The following MAD1L1 variants were observed in gnomAD, a reference collection of about 807,000 sequenced individuals.
MAD1L1 encodes the protein mitotic spindle assembly checkpoint protein MAD1.
Under a neutral mutation model 96.9 loss-of-function variants are expected in MAD1L1, and 95 were observed. The ratio of observed to expected loss-of-function variants is 0.98; its 90% CI spans 0.83 to 1.16. The LOEUF (loss-of-function observed/expected upper bound fraction) is 1.16, where lower values mean the gene tolerates loss of function less well. Ranked by LOEUF, MAD1L1 falls within the 50% of genes most tolerant of loss-of-function variation. MAD1L1 has a pLI of 0.00. For synonymous variants in MAD1L1, 473 were observed against 396.6 expected (o/e 1.19, Z -2.29); for missense variants, 1,007 against 954.4 (o/e 1.06, Z -0.73).
intron 16 of MAD1L1, among the ~76,000 whole-genome samples, chr7:1,953,564 T>G (rs997611616): frequency 9.2e-5 from 14 of 152,344 alleles, no homozygotes; most frequent in African/African-American, 3.4e-4. Flanking sequence ...ACACGCACAC[T>G]GAGGCATTTA....
rs936368188 is a variant in MAD1L1, at chr7:2,225,693, C to T, written c.151-143G>A. On this transcript the variant is annotated intron_variant, in intron 3 of 18. Transcript: ENST00000265854. ...GTCTTGATGTGGCCCAGCCACTGGG[C>T]TCCAGGCTGGGGAACAGGGGAGGGG... 9 of 888,464 alleles carry T rather than the reference C, an allele frequency of 1.0e-5. No homozygotes were observed. The African/African-American group carries it at 1.2e-4, about 12-fold the overall frequency. The allele number at this position is 888,464 out of a possible 1,614,324, so 55.0% of individuals were successfully genotyped here.
intron 11 of MAD1L1, among the ~76,000 whole-genome samples, chr7:2,136,219 G>A (rs1788743890): frequency 6.6e-6 from 1 of 152,224 alleles, no homozygotes; most frequent in Non-Finnish European, 1.5e-5. Flanking sequence ...TTCATGCCCT[G>A]CGGAAGCGAC....
chr7:2,190,105 G>A (rs560537535), intron 10 of MAD1L1, among the ~76,000 whole-genome samples: 1 of 152,152 alleles, frequency 6.6e-6, no homozygotes, highest in East Asian at 1.9e-4. Context: ...AAATAGCCAA[G>A]ACAATTCTTA....
rs76619261 is a variant in MAD1L1 at position 2,011,660 on chromosome 7, G to A, written c.1359+2842C>T. Among the ~76,000 whole-genome samples, 128 of 152,332 alleles carry A rather than the reference G, an allele frequency of 8.4e-4. 2 individuals carry two copies. In the East Asian group the frequency reaches 0.014, roughly 17 times the overall value. On this transcript the variant is annotated intron_variant, in intron 13 of 18. Coordinates refer to ENST00000265854, the MANE Select transcript of MAD1L1 (RefSeq NM_001013836.2). The stretch of plus-strand genomic sequence containing the variant: ...CTGACGCGGAGGTGCCCCCTCTGAT[G>A]AGGCAAGGCATCAGGTCACGCTGTC...
chr7:1,918,183 C>T (rs1363661771), intron 17 of MAD1L1, among the ~76,000 whole-genome samples: 4 of 152,260 alleles, frequency 2.6e-5, no homozygotes, highest in South Asian at 2.1e-4. Flanking sequence ...CTCTGTGTGA[C>T]CCTCAGGATG....
intron 15 of MAD1L1, among the ~76,000 whole-genome samples, chr7:1,959,470 G>C (rs1306306818): frequency 1.3e-5 from 2 of 152,144 alleles, no homozygotes; most frequent in Non-Finnish European, 2.9e-5. Flanking sequence ...ACAGACACGA[G>C]GCAGCGCAAG....
At chr7:1,986,182 A>G (rs1438714621) in intron 14 of MAD1L1, among the ~76,000 whole-genome samples, 1 of 152,188 alleles carries the variant, frequency 6.6e-6, no homozygotes, top group Non-Finnish European at 1.5e-5. Context: ...ATCAGCCCCC[A>G]GTAGCTCCCT....
intron 16 of MAD1L1, among the ~76,000 whole-genome samples, chr7:1,947,391 A>C (rs1323893641): frequency 6.6e-6 from 1 of 152,248 alleles, no homozygotes; most frequent in African/African-American, 2.4e-5. Context: ...AACACAGTTA[A>C]ATAACCACCA....
At chr7:1,874,473 A>C (rs751427265) in intron 18 of MAD1L1, 16 of 451,364 alleles carry the variant, frequency 3.5e-5, no homozygotes, top group South Asian at 2.4e-4. Context: ...GGAGGAGAGG[A>C]GGCGGAGGGC....
chr7:2,006,682 G>T (rs970358110), intron 13 of MAD1L1, among the ~76,000 whole-genome samples: 1 of 150,436 alleles, frequency 6.6e-6, no homozygotes, highest in East Asian at 2.0e-4. Flanking sequence ...GGAGAGACAG[G>T]ACATCACTAA....
chr7:2,136,218 T>C (rs1332536763), intron 11 of MAD1L1, among the ~76,000 whole-genome samples: 1 of 152,188 alleles, frequency 6.6e-6, no homozygotes, highest in Non-Finnish European at 1.5e-5. Flanking sequence ...CTTCATGCCC[T>C]GCGGAAGCGA....
In MAD1L1 at chr7:1,904,551, C is replaced by T. The variant is rs1261476154; in HGVS notation, c.1808-6161G>A. Among the ~76,000 whole-genome samples the T allele has an allele frequency of 8.8e-4, 107 of 121,770 alleles. 10 individuals are homozygous for T. The highest frequency in any genetic ancestry group is 7.8e-3 in the Admixed American group (101 of 12,948). 79.9% of individuals were successfully genotyped at this position (121,770 alleles called of 152,430 possible). On this transcript the variant is annotated intron_variant, in intron 17 of 18. Transcript: ENST00000265854. Reference sequence around the variant, plus strand: ...ATTGATCAAGCACTGTTCCAGGCAGCGAGGACGCAGTGGCCTACGGAAGAC... The same window carrying T: ...ATTGATCAAGCACTGTTCCAGGCAGTGAGGACGCAGTGGCCTACGGAAGAC...
chr7:2,176,290 G>A (rs1790943390), intron 10 of MAD1L1, among the ~76,000 whole-genome samples: 2 of 152,214 alleles, frequency 1.3e-5, no homozygotes, highest in African/African-American at 2.4e-5. Flanking sequence ...AGAGGTTTCA[G>A]TGAACCGAGA....
chr7:1,866,245 C>G (rs1317997799), intron 18 of MAD1L1, among the ~76,000 whole-genome samples: 1 of 151,780 alleles, frequency 6.6e-6, no homozygotes, highest in Non-Finnish European at 1.5e-5. Flanking sequence ...GTTGGTGGTG[C>G]AGAGCCCGGG....
At chr7:2,010,905 G>C (rs1426437040) in intron 13 of MAD1L1, among the ~76,000 whole-genome samples, 1 of 152,202 alleles carries the variant, frequency 6.6e-6, no homozygotes, top group Non-Finnish European at 1.5e-5. Flanking sequence ...GTGAGTGGGG[G>C]ACAGAGGGGT....
intron 5 of MAD1L1, 127 bp from the exon 6 acceptor site, chr7:2,219,583 G>A (rs944605300): frequency 6.6e-6 from 6 of 911,112 alleles, no homozygotes; most frequent in South Asian, 1.7e-5. Context: ...GCAGGAGGCA[G>A]AGGGGCAGAG....
At chr7:2,090,180 C>A (rs887258738) in intron 11 of MAD1L1, among the ~76,000 whole-genome samples, 4 of 152,212 alleles carry the variant, frequency 2.6e-5, no homozygotes, top group African/African-American at 9.7e-5. Context: ...GCCGAGCAGG[C>A]ACCACCCCTG....
intron 11 of MAD1L1, among the ~76,000 whole-genome samples, chr7:2,087,066 C>A (rs1028813001): frequency 6.6e-6 from 1 of 152,174 alleles, no homozygotes; most frequent in Non-Finnish European, 1.5e-5. Context: ...GGAAGCTCTT[C>A]TCTTTAAAAA....
chr7:2,006,402 T>C (rs1782031493), intron 13 of MAD1L1, among the ~76,000 whole-genome samples: 1 of 152,200 alleles, frequency 6.6e-6, no homozygotes, highest in Non-Finnish European at 1.5e-5. Context: ...CCCCAGGTTC[T>C]GTGGAGGGAG....
Sources: allele counts gnomAD v4.1 joint callset (sites outside exome capture counted in the v4.1 genomes callset), GRCh38; gene constraint gnomAD v4.1.1; transcripts MANE v1.5; gene names NCBI Gene and HGNC (gene_info 2026-07-23, HGNC 2026-07-21).